The following SMG7 variants were observed in gnomAD, a reference collection of about 807,000 sequenced individuals.
SMG7 encodes the protein nonsense-mediated mRNA decay factor SMG7.
A neutral mutation model predicts 148.2 loss-of-function variants in SMG7; 34 were observed. The observed-to-expected ratio is 0.23, with a 90% confidence interval of 0.17 to 0.31. The LOEUF (loss-of-function observed/expected upper bound fraction) is 0.31. Among genes scored for constraint, SMG7 ranks in the 10% least tolerant of loss-of-function variants. SMG7 has a pLI of 1.00. For synonymous variants in SMG7, 492 were observed against 515.1 expected (o/e 0.96, Z 0.61); for missense variants, 1,114 against 1,408.4 (o/e 0.79, Z 3.35).
chr1:183,541,795 G>A (rs1017339992), intron 13 of SMG7, among the ~76,000 whole-genome samples: 2 of 152,176 alleles, frequency 1.3e-5, no homozygotes, highest in African/African-American at 4.8e-5. Context: ...CATATCAAGG[G>A]CCCTAGACCA....
At chr1:183,482,899 A>G (rs1396010200) in intron 1 of SMG7, among the ~76,000 whole-genome samples, 3 of 152,152 alleles carry the variant, frequency 2.0e-5, no homozygotes, top group Non-Finnish European at 4.4e-5. Context: ...TGAGATAAGG[A>G]GGTAGAATGG....
chr1:183,485,285 A>G (rs1047206238), intron 1 of SMG7, among the ~76,000 whole-genome samples: 9 of 152,186 alleles, frequency 5.9e-5, no homozygotes, highest in Admixed American at 2.0e-4. Flanking sequence ...TTTATATAAA[A>G]CATAATGTAA....
At chr1:183,533,029 AG>A in intron 8 of SMG7, 134 bp from the exon 9 acceptor site, 1 of 667,770 alleles carries the variant, frequency 1.5e-6, no homozygotes, top group South Asian at 2.2e-5. Context: ...ACTGGGATTG[AG>A]GGCAGAACCA....
chr1:183,552,141 C>T lies in SMG7; in HGVS notation c.*210C>T, dbSNP rs1014064975. On this transcript the variant is annotated 3_prime_UTR_variant, in exon 23 of 23. Coordinates refer to ENST00000688051, the MANE Select transcript of SMG7 (RefSeq NM_001375584.1). ...ATCCATCAGGAACTCTCCGTCCCCC[C>T]GGGGCCCTCCGGAGGGAGAGAGAGA... 1.2e-5 allele frequency: 15 copies of T among 1,248,368 alleles called. 1 individual carries two copies. The South Asian group carries it at 2.5e-4, about 21-fold the overall frequency. 77.3% of individuals were successfully genotyped at this position (1,248,368 alleles called of 1,614,324 possible). A position where few individuals can be genotyped will look rare whatever the true frequency, so the allele number is the denominator to read the frequency against.
At chr1:183,519,059 G>T (rs1485177162) in intron 4 of SMG7, among the ~76,000 whole-genome samples, 3 of 152,076 alleles carry the variant, frequency 2.0e-5, no homozygotes, top group African/African-American at 4.8e-5. Context: ...AGGTTGTGGT[G>T]CTACCTGCCT....
At chr1:183,531,876 G>C (rs182565242) in intron 8 of SMG7, among the ~76,000 whole-genome samples, 57 of 152,286 alleles carry the variant, frequency 3.7e-4, no homozygotes, top group Non-Finnish European at 6.9e-4. Context: ...TAGAAGGTTA[G>C]TTGTAGAAAC....
chr1:183,537,890 C>G (rs1404735209), intron 11 of SMG7, among the ~76,000 whole-genome samples: 1 of 152,100 alleles, frequency 6.6e-6, no homozygotes, highest in African/African-American at 2.4e-5. Context: ...TGGCTTCTTT[C>G]TGACTTTTTT....
rs1650909614 is a variant in SMG7, at chr1:183,472,584, G to C, written c.-37G>C. The C allele has an allele frequency of 7.0e-7, 1 of 1,425,348 alleles. No homozygotes were observed. Among genetic ancestry groups the C allele is most frequent in the African/African-American group, 1.5e-5 (1 of 68,326 alleles). The allele number at this position is 1,425,348 out of a possible 1,614,324, so 88.3% of individuals were successfully genotyped here. A position where few individuals can be genotyped will look rare whatever the true frequency, so the allele number is the denominator to read the frequency against. ...CTCCGAGGAGCCTGAGAGACCCACG[G>C]AGGCTTCGCGGGAAGACGCGGCGGC... On this transcript the variant is annotated 5_prime_UTR_variant, in exon 1 of 23. Coordinates refer to ENST00000688051, the MANE Select transcript of SMG7 (RefSeq NM_001375584.1).
chr1:183,509,917 T>C (rs913841364), intron 1 of SMG7, among the ~76,000 whole-genome samples: 1 of 152,202 alleles, frequency 6.6e-6, no homozygotes, highest in African/African-American at 2.4e-5. Context: ...GCAAGAACTA[T>C]AGTTCATCAC....
At chr1:183,522,246 A>G (rs1295769325) in intron 4 of SMG7, among the ~76,000 whole-genome samples, 1 of 152,190 alleles carries the variant, frequency 6.6e-6, no homozygotes. Context: ...CCCAGTGGAA[A>G]CATCATAAAA....
chr1:183,526,862 C>CGTA (rs1558025869), intron 5 of SMG7, 95 bp downstream of exon 5: 5 of 959,806 alleles, frequency 5.2e-6, no homozygotes, highest in Non-Finnish European at 1.5e-6. Flanking sequence ...GGAGCATACA[C>CGTA]ACACAATTTA....
rs1427415867 is a variant in SMG7 at position 183,522,608 on chromosome 1, T to C, written c.313-3988T>C. Reference sequence around the variant, plus strand: ...AGTGACCATATAACTTGTGGTTTTTTCTCAATATTATATAAGATGATGGTT... The same window carrying C: ...AGTGACCATATAACTTGTGGTTTTTCCTCAATATTATATAAGATGATGGTT... On this transcript the variant is annotated intron_variant, in intron 4 of 22. Coordinates refer to ENST00000688051, the MANE Select transcript of SMG7 (RefSeq NM_001375584.1). Among the ~76,000 whole-genome samples, 7 of 152,184 alleles carry C rather than the reference T, an allele frequency of 4.6e-5. No individual in the cohort carries two copies. The East Asian group carries it at 1.3e-3, about 29-fold the overall frequency.
At chr1:183,490,697 T>G in intron 1 of SMG7, among the ~76,000 whole-genome samples, 1 of 152,304 alleles carries the variant, frequency 6.6e-6, no homozygotes, top group South Asian at 2.1e-4. Context: ...TATATTTATT[T>G]TAAATGTATA....
At chr1:183,508,104 C>T in intron 1 of SMG7, 3 of 950,928 alleles carry the variant, frequency 3.2e-6, no homozygotes, top group Non-Finnish European at 3.8e-6. Context: ...AAGTTCTTGC[C>T]TCTCTGTATG....
chr1:183,517,940 A>G (rs1663909752), intron 4 of SMG7, 120 bp downstream of exon 4: 2 of 967,806 alleles, frequency 2.1e-6, no homozygotes, highest in Admixed American at 4.4e-5. Flanking sequence ...CCAGGGATTG[A>G]TCACCTATAA....
chr1:183,539,325 T>G (rs1421420401), intron 12 of SMG7, among the ~76,000 whole-genome samples: 1 of 152,234 alleles, frequency 6.6e-6, no homozygotes, highest in Non-Finnish European at 1.5e-5. Flanking sequence ...CCTTCCTTCA[T>G]GAAACCTTTT....
At chr1:183,514,029 C>CAA (rs1035651769) in intron 2 of SMG7, among the ~76,000 whole-genome samples, 69 of 40,726 alleles carry the variant, frequency 1.7e-3, no homozygotes, top group Non-Finnish European at 2.1e-3. Flanking sequence ...GACTCCGTCT[C>CAA]AAAAAAAAAA....
At chr1:183,497,129 A>T (rs1463018183) in intron 1 of SMG7, among the ~76,000 whole-genome samples, 2 of 152,232 alleles carry the variant, frequency 1.3e-5, no homozygotes, top group African/African-American at 4.8e-5. Context: ...AGTTAATTAC[A>T]TTCATGTCAT....
At chr1:183,502,119 AAAAG>A (rs1292307959) in intron 1 of SMG7, 8 of 575,922 alleles carry the variant, frequency 1.4e-5, no homozygotes, top group Non-Finnish European at 1.9e-5. Context: ...ATTAAACAAA[AAAAG>A]AAAAAGGCTT....
Sources: allele counts gnomAD v4.1 joint callset (sites outside exome capture counted in the v4.1 genomes callset), GRCh38; gene constraint gnomAD v4.1.1; transcripts MANE v1.5; gene names NCBI Gene and HGNC (gene_info 2026-07-23, HGNC 2026-07-21).